The following NOX4 variants were observed in gnomAD, a reference collection of about 807,000 sequenced individuals.
NOX4 encodes NADPH oxidase 4, also known as kidney oxidase-1.
NOX4 carries 69 observed loss-of-function variants against 87.6 expected under a neutral mutation model. The observed-to-expected ratio is 0.79, with a 90% CI of 0.65 to 0.96. NOX4 has a LOEUF of 0.96. Among genes scored for constraint, NOX4 ranks in the 40% least tolerant of loss-of-function variants. NOX4 has a pLI of 0.00. For missense variants in NOX4, 680 were observed against 681.5 expected (o/e 1.00, Z 0.02); for synonymous variants, 275 against 238.2 (o/e 1.15, Z -1.42).
chr11:89,338,141 A>C (rs1354878817), intron 15 of NOX4, among the ~76,000 whole-genome samples: 2 of 151,978 alleles, frequency 1.3e-5, no homozygotes, highest in African/African-American at 4.8e-5. Context: ...CTGTATCTGA[A>C]TTGTTTGAAA....
chr11:89,430,806 T>C (rs1179873922), intron 7 of NOX4, among the ~76,000 whole-genome samples: 1 of 152,174 alleles, frequency 6.6e-6, no homozygotes, highest in Non-Finnish European at 1.5e-5. Context: ...TTCAGTTGCA[T>C]CCTCATCAAG....
At chr11:89,350,188 A>G (rs1451399485) in intron 13 of NOX4, among the ~76,000 whole-genome samples, 1 of 152,186 alleles carries the variant, frequency 6.6e-6, no homozygotes, top group African/African-American at 2.4e-5. Context: ...GTCAAATAAG[A>G]GCTCACAAAT....
chr11:89,448,612 TG>T (rs1944814758), intron 4 of NOX4, among the ~76,000 whole-genome samples: 1 of 152,104 alleles, frequency 6.6e-6, no homozygotes. Flanking sequence ...CCAGGTACAG[TG>T]GCACCCGCCT....
At chr11:89,446,809 A>T (rs565751544) in intron 4 of NOX4, among the ~76,000 whole-genome samples, 1 of 152,290 alleles carries the variant, frequency 6.6e-6, no homozygotes, top group Admixed American at 6.5e-5. Flanking sequence ...GTCATTACAC[A>T]TTTGTGCAAA....
chr11:89,543,640 T>C, the NOX4 span, among the ~76,000 whole-genome samples: 1 of 152,006 alleles, frequency 6.6e-6, no homozygotes, highest in African/African-American at 2.4e-5. Context: ...CTGTCTAAAA[T>C]TGATGCAACA....
intron 2 of NOX4, among the ~76,000 whole-genome samples, chr11:89,460,127 G>A (rs1240767132): frequency 6.6e-6 from 1 of 152,120 alleles, no homozygotes. Context: ...GCTGAAACTG[G>A]ATCCCTTCCT....
At chr11:89,353,350 C>T (rs2134968811) in intron 13 of NOX4, among the ~76,000 whole-genome samples, 1 of 152,246 alleles carries the variant, frequency 6.6e-6, no homozygotes, top group East Asian at 1.9e-4. Context: ...GGTGCCCCTA[C>T]CTTTAACAAC....
chr11:89,513,732 A>G, the NOX4 span, among the ~76,000 whole-genome samples: 1 of 151,930 alleles, frequency 6.6e-6, no homozygotes, highest in Non-Finnish European at 1.5e-5. Context: ...TGATGTATAT[A>G]TTTTTATCTT....
At chr11:89,433,354 C>T (rs56065732) in intron 6 of NOX4, among the ~76,000 whole-genome samples, 2,482 of 151,820 alleles carry the variant, frequency 0.016, 80 homozygotes, top group African/African-American at 0.056. Flanking sequence ...TTTTAATTCC[C>T]AAATATTCTA....
intron 11 of NOX4, among the ~76,000 whole-genome samples, chr11:89,383,892 C>T (rs1033151698): frequency 2.0e-5 from 3 of 152,120 alleles, no homozygotes; most frequent in African/African-American, 7.2e-5. Flanking sequence ...GATAACTCTA[C>T]TCCCTCCTTG....
intron 5 of NOX4, among the ~76,000 whole-genome samples, chr11:89,441,117 G>A (rs1944435168): frequency 6.6e-6 from 1 of 152,144 alleles, no homozygotes; most frequent in South Asian, 2.1e-4. Flanking sequence ...AAGATGTGAA[G>A]ACAGAATTAA....
intron 6 of NOX4, among the ~76,000 whole-genome samples, chr11:89,438,149 G>C (rs1944177773): frequency 1.3e-5 from 2 of 149,018 alleles, no homozygotes; most frequent in African/African-American, 5.0e-5. Context: ...AGGATGATAG[G>C]GTTGCATGCT....
the NOX4 span, among the ~76,000 whole-genome samples, chr11:89,573,771 T>A: frequency 6.6e-6 from 1 of 152,192 alleles, no homozygotes; most frequent in Non-Finnish European, 1.5e-5. Context: ...GAAGAACAAG[T>A]GTCGCATTCA....
chr11:89,443,351 A>C (rs1199705155), intron 5 of NOX4: 1 of 152,152 alleles, frequency 6.6e-6, no homozygotes, highest in Non-Finnish European at 1.5e-5. Flanking sequence ...GAAGGTGGGG[A>C]AAAAAGTTAA....
chr11:89,535,685 T>TA, the NOX4 span, among the ~76,000 whole-genome samples: 43 of 150,996 alleles, frequency 2.8e-4, no homozygotes, highest in African/African-American at 8.2e-4. Flanking sequence ...ATACAGAGTT[T>TA]AAAAAAAAAG....
chr11:89,348,086 T>A (rs1490166473), intron 13 of NOX4, among the ~76,000 whole-genome samples: 1 of 152,038 alleles, frequency 6.6e-6, no homozygotes, highest in Non-Finnish European at 1.5e-5. Flanking sequence ...GAGCAGCCTG[T>A]GCAACAAAGA....
At chr11:89,471,825 T>G (rs545127802) in intron 2 of NOX4, among the ~76,000 whole-genome samples, 1 of 152,314 alleles carries the variant, frequency 6.6e-6, no homozygotes, top group Admixed American at 6.5e-5. Flanking sequence ...CACTGCAACC[T>G]CCGCCTCCTG....
intron 17 of NOX4, among the ~76,000 whole-genome samples, chr11:89,334,786 A>C (rs1945626061): frequency 6.6e-6 from 1 of 151,766 alleles, no homozygotes; most frequent in Admixed American, 6.6e-5. Context: ...AAAATGAAAT[A>C]TTTAATTTAT....
intron 8 of NOX4, among the ~76,000 whole-genome samples, chr11:89,416,027 C>T (rs1326418306): frequency 6.6e-6 from 1 of 152,196 alleles, no homozygotes; most frequent in South Asian, 2.1e-4. Flanking sequence ...TTTTGTGGCT[C>T]TAGCTCAAAG....
Sources: allele counts gnomAD v4.1 joint callset (sites outside exome capture counted in the v4.1 genomes callset), GRCh38; gene constraint gnomAD v4.1.1; transcripts MANE v1.5; gene names NCBI Gene and HGNC (gene_info 2026-07-23, HGNC 2026-07-21).